TPO: variants seen among roughly 807,000 people sequenced by gnomAD.
TPO encodes the protein thyroid microsomal antigen.
In TPO, 78 loss-of-function variants were observed where a neutral mutation model predicts 96.9. That is an observed-to-expected ratio of 0.81 (90% confidence interval 0.67 to 0.97). TPO has a LOEUF of 0.97. Among genes scored for constraint, TPO ranks in the 50% least tolerant of loss-of-function variants. The probability of loss-of-function intolerance (pLI) is 0.00; values close to 1 mark genes in which losing one functional copy is unlikely to be tolerated. For synonymous variants in TPO, 547 were observed against 538.0 expected, an observed-to-expected ratio of 1.02 and a Z score of -0.23; for missense variants, 1,252 against 1,274.8, an observed-to-expected ratio of 0.98 and a Z score of 0.27.
chr2:1,485,108 T>A (rs1319019489), intron 9 of TPO, among the ~76,000 whole-genome samples: 5 of 144,902 alleles, frequency 3.5e-5, no homozygotes, highest in Admixed American at 1.4e-4. Context: ...CCTGTGTCCA[T>A]GTGTTCTCAT....
intron 8 of TPO, among the ~76,000 whole-genome samples, chr2:1,480,850 T>TCCCTGCTGCTGCGTCTGTCC (rs1296928653): frequency 2.6e-4 from 16 of 60,672 alleles, no homozygotes; most frequent in East Asian, 7.7e-4. Context: ...GTCCTCACCA[T>TCCCTGCTGCTGCGTCTGTCC]ACCCACTCTA....
chr2:1,503,907 A>G, intron 13 of TPO, 41 bp from the exon 14 acceptor site: 1 of 1,614,046 alleles, frequency 6.2e-7, no homozygotes, highest in South Asian at 1.1e-5. Context: ...ATGGGGGTGC[A>G]GCCGCTTCCT....
intron 13 of TPO, among the ~76,000 whole-genome samples, chr2:1,501,061 G>C (rs955697142): frequency 2.6e-5 from 4 of 151,998 alleles, no homozygotes; most frequent in Admixed American, 2.6e-4. Flanking sequence ...AAAAAGCTGT[G>C]AGTCAGTGGC....
intron 15 of TPO, among the ~76,000 whole-genome samples, chr2:1,531,730 C>A (rs111652804): frequency 9.9e-4 from 56 of 56,328 alleles, no homozygotes; most frequent in African/African-American, 3.8e-3. Flanking sequence ...CTCTCTGCAA[C>A]CTCCCCAAAT....
chr2:1,477,522 C>A lies in TPO; in HGVS notation c.1256C>A (p.Ala419Glu), dbSNP rs774820583. The A allele has an allele frequency of 4.0e-5, 62 of 1,533,064 alleles. No individual in the cohort carries two copies. The highest frequency in any genetic ancestry group is 5.2e-5 in the Non-Finnish European group (60 of 1,145,124). 95.0% of individuals were successfully genotyped at this position (1,533,064 alleles called of 1,614,324 possible). A position where few individuals can be genotyped will look rare whatever the true frequency, so the allele number is the denominator to read the frequency against. The change falls in exon 8 of 17, where the codon GCG becomes GAG. Residue 419 changes from alanine (A) to glutamate (E), a missense_variant. Physicochemically the swap from Ala to Glu is moderately radical, Grantham distance 107. Coordinates refer to ENST00000329066, the MANE Select transcript of TPO (RefSeq NM_001206744.2). ...CTGCGCGAGCACAACCGCCTGGCCG[C>A]GGCGCTCAAGGCCCTCAATGCGCAC... ...LWLREHNRLA[A>E]ALKALNAHWS...
At chr2:1,528,550 A>G (rs1185485847) in intron 15 of TPO, among the ~76,000 whole-genome samples, 14 of 114,458 alleles carry the variant, frequency 1.2e-4, no homozygotes, top group South Asian at 5.8e-4. Flanking sequence ...AATCCCTCCC[A>G]CTCTTTGCAA....
intron 2 of TPO, among the ~76,000 whole-genome samples, chr2:1,421,916 C>T (rs1663581162): frequency 6.6e-6 from 1 of 152,228 alleles, no homozygotes; most frequent in Admixed American, 6.5e-5. Context: ...TCAGATTCCA[C>T]ACCCAGAGCC....
In TPO at chr2:1,477,110, G is replaced by C; in HGVS notation, c.844G>C (p.Ala282Pro). The C allele has an allele frequency of 6.2e-7, 1 of 1,606,504 alleles. No individual in the cohort carries two copies. The highest frequency in any genetic ancestry group is 1.3e-5 in the African/African-American group (1 of 74,966). The stretch of plus-strand genomic sequence containing the variant: ...GCTCCCGGAGGAGGCCCGGCCGGCC[G>C]CGGGCACCGCCTGTCTGCCCTTCTA... Reference protein sequence around the residue: ...IQLPEEARPAAGTACLPFYRS... With the variant: ...IQLPEEARPAPGTACLPFYRS... Residue 282 changes from alanine (A) to proline (P), a missense_variant, in exon 8 of 17, where the codon GCG becomes CCG. By Grantham distance (27) the Ala-to-Pro change is conservative. Coordinates refer to ENST00000329066, the MANE Select transcript of TPO (RefSeq NM_001206744.2).
intron 15 of TPO, among the ~76,000 whole-genome samples, chr2:1,528,062 C>A (rs1315727796): frequency 1.4e-5 from 2 of 146,148 alleles, no homozygotes; most frequent in Non-Finnish European, 3.0e-5. Context: ...CCACTGTGTG[C>A]AACCCCCCCA....
chr2:1,413,195 T>C (rs1362058637), upstream of TPO, among the ~76,000 whole-genome samples: 2 of 152,186 alleles, frequency 1.3e-5, no homozygotes, highest in Non-Finnish European at 2.9e-5. Context: ...GTCACAAGTC[T>C]GGATTTAGTT....
At chr2:1,540,951 C>T (rs1458997576) in intron 16 of TPO, 6 of 1,506,958 alleles carry the variant, frequency 4.0e-6, no homozygotes, top group East Asian at 2.6e-5. Context: ...TTGTACAAAC[C>T]GGTTCCAAAA....
chr2:1,512,358 T>C, intron 14 of TPO: 2 of 982,604 alleles, frequency 2.0e-6, no homozygotes, highest in Non-Finnish European at 2.4e-6. Flanking sequence ...TAAGGAATCC[T>C]CCTGCCTGGA....
At chr2:1,445,636 C>T (rs1365382036) in intron 5 of TPO, among the ~76,000 whole-genome samples, 2 of 130,036 alleles carry the variant, frequency 1.5e-5, no homozygotes, top group African/African-American at 6.3e-5. Context: ...GGGAATGGGG[C>T]AGGCTCCTTG....
chr2:1,495,336 T>C (rs1400113361), intron 11 of TPO, among the ~76,000 whole-genome samples: 1 of 152,230 alleles, frequency 6.6e-6, no homozygotes, highest in East Asian at 1.9e-4. Flanking sequence ...CTTTACGGCA[T>C]TCAGGCCAGG....
intron 14 of TPO, among the ~76,000 whole-genome samples, chr2:1,512,049 T>C (rs148004721): frequency 2.6e-5 from 4 of 152,182 alleles, no homozygotes; most frequent in African/African-American, 9.6e-5. Flanking sequence ...CTTTTTTTTT[T>C]TTGAGACGGA....
chr2:1,491,401 T>G (rs890609308), intron 10 of TPO, among the ~76,000 whole-genome samples: 5 of 152,240 alleles, frequency 3.3e-5, no homozygotes, highest in Non-Finnish European at 5.9e-5. Context: ...GAAATTACCC[T>G]TCTAACTTCG....
chr2:1,388,836 T>C (rs1444060879), intron 1 of TPO, among the ~76,000 whole-genome samples: 2 of 152,170 alleles, frequency 1.3e-5, no homozygotes, highest in Non-Finnish European at 2.9e-5. Flanking sequence ...GCTCTTCCTA[T>C]TTGGCCATCT....
intron 1 of TPO, among the ~76,000 whole-genome samples, chr2:1,382,834 G>A (rs1218567884): frequency 6.6e-6 from 1 of 151,312 alleles, no homozygotes; most frequent in Non-Finnish European, 1.5e-5. Context: ...TCCATTACTC[G>A]TCATTTACAT....
intron 15 of TPO, among the ~76,000 whole-genome samples, chr2:1,533,962 A>C (rs1470546964): frequency 7.8e-4 from 43 of 55,332 alleles, no homozygotes; most frequent in African/African-American, 1.2e-3. Context: ...TCAAATCCCC[A>C]CCACTCTGTG....
Sources: allele counts gnomAD v4.1 joint callset (sites outside exome capture counted in the v4.1 genomes callset), GRCh38; gene constraint gnomAD v4.1.1; transcripts MANE v1.5; gene names NCBI Gene and HGNC (gene_info 2026-07-23, HGNC 2026-07-21).